LOXL2: variants seen among roughly 807,000 people sequenced by gnomAD.
LOXL2 encodes the protein lysyl oxidase like 2, also known as lysyl oxidase homolog 2.
LOXL2 carries 70 observed loss-of-function variants against 93.0 expected under a neutral mutation model. The ratio of observed to expected loss-of-function variants is 0.75; its 90% CI spans 0.62 to 0.92. The LOEUF is 0.92. Among genes scored for constraint, LOXL2 ranks in the 40% least tolerant of loss-of-function variants. The pLI is 0.00. For synonymous variants in LOXL2, 438 were observed against 413.2 expected (o/e 1.06, Z -0.73); for missense variants, 973 against 1,054.9 (o/e 0.92, Z 1.08).
intron 9 of LOXL2, among the ~76,000 whole-genome samples, chr8:23,314,029 A>C (rs1199833933): frequency 1.4e-5 from 2 of 144,572 alleles, no homozygotes; most frequent in African/African-American, 2.5e-5. Context: ...GCAGCCAAAA[A>C]ACACATGAAA....
intron 1 of LOXL2, among the ~76,000 whole-genome samples, chr8:23,376,407 T>G (rs56663210): frequency 0.088 from 13,354 of 152,076 alleles, 783 homozygotes; most frequent in African/African-American, 0.18. Flanking sequence ...TCTCTTTTTT[T>G]GTTGTGTCTC....
At chr8:23,349,964 A>C (rs1171009895) in intron 3 of LOXL2, among the ~76,000 whole-genome samples, 2 of 152,086 alleles carry the variant, frequency 1.3e-5, no homozygotes, top group Non-Finnish European at 1.5e-5. Context: ...TGCAAAATAA[A>C]GTTATGCAGT....
chr8:23,401,693 T>TTGGGACTCAACAC (rs1168733267), intron 1 of LOXL2, among the ~76,000 whole-genome samples: 6 of 152,182 alleles, frequency 3.9e-5, no homozygotes, highest in Non-Finnish European at 7.3e-5. Flanking sequence ...TCGCTGATGG[T>TTGGGACTCAACAC]CATGTCTATC....
chr8:23,334,838 A>G (rs12548217), intron 4 of LOXL2, among the ~76,000 whole-genome samples: 13,011 of 144,314 alleles, frequency 0.09, 1,056 homozygotes, highest in African/African-American at 0.19. Flanking sequence ...TTTTTTTGAG[A>G]TGGAGTCTCA....
chr8:23,383,881 C>T (rs1467939100), intron 1 of LOXL2, among the ~76,000 whole-genome samples: 6 of 152,004 alleles, frequency 3.9e-5, no homozygotes, highest in East Asian at 1.9e-4. Context: ...AGGATGGTCT[C>T]GATCTGCTGA....
intron 3 of LOXL2, among the ~76,000 whole-genome samples, chr8:23,355,016 T>C (rs1804168994): frequency 7.2e-6 from 1 of 139,512 alleles, no homozygotes; most frequent in Non-Finnish European, 1.5e-5. Flanking sequence ...TGGAGTGCAA[T>C]GGCACCATCT....
chr8:23,300,488 C>G (rs934506050), intron 12 of LOXL2, among the ~76,000 whole-genome samples: 1 of 152,216 alleles, frequency 6.6e-6, no homozygotes, highest in African/African-American at 2.4e-5. Flanking sequence ...CTTCACAGCA[C>G]CACTGATGTC....
In LOXL2 at chr8:23,297,824, G is replaced by C. The variant is rs2280936; in HGVS notation, c.*219C>G. The C allele has an allele frequency of 0.56, 290,723 of 520,270 alleles. 83,079 individuals carry two copies. Among genetic ancestry groups the C allele is most frequent in the East Asian group, 0.78 (24,589 of 31,372 alleles). 32.2% of individuals were successfully genotyped at this position (520,270 alleles called of 1,614,324 possible). A position where few individuals can be genotyped will look rare whatever the true frequency, so the allele number is the denominator to read the frequency against. On this transcript the variant is annotated 3_prime_UTR_variant, in exon 14 of 14. Coordinates refer to ENST00000389131, the MANE Select transcript of LOXL2 (RefSeq NM_002318.3). Reference sequence around the variant, plus strand: ...AGCTCTGTGGACAAACCCCACCCCCGCAAGGCCTTCTCAGGCCCCAAGGGT... The same window carrying C: ...AGCTCTGTGGACAAACCCCACCCCCCCAAGGCCTTCTCAGGCCCCAAGGGT...
intron 1 of LOXL2, among the ~76,000 whole-genome samples, chr8:23,379,265 G>T (rs1795478590): frequency 6.6e-6 from 1 of 152,208 alleles, no homozygotes; most frequent in Admixed American, 6.5e-5. Flanking sequence ...TTGCTGAACA[G>T]CAAATGTTCC....
intron 10 of LOXL2, among the ~76,000 whole-genome samples, chr8:23,308,807 A>T (rs926964621): frequency 6.6e-6 from 1 of 152,018 alleles, no homozygotes; most frequent in African/African-American, 2.4e-5. Flanking sequence ...GCTGGAAGGG[A>T]CAGGCGAGGT....
intron 3 of LOXL2, among the ~76,000 whole-genome samples, chr8:23,352,053 T>TC (rs33949828): frequency 1.8e-4 from 27 of 151,890 alleles, no homozygotes; most frequent in Non-Finnish European, 2.8e-4. Context: ...CCTCAAGTGA[T>TC]CCCCCCCACC....
At chr8:23,399,613 A>G (rs1449773923) in intron 1 of LOXL2, among the ~76,000 whole-genome samples, 1 of 152,236 alleles carries the variant, frequency 6.6e-6, no homozygotes, top group African/African-American at 2.4e-5. Context: ...GAAGGCCCTC[A>G]CCAGGTACAG....
chr8:23,319,090 T>C (rs565135866), intron 8 of LOXL2, among the ~76,000 whole-genome samples: 6 of 152,376 alleles, frequency 3.9e-5, no homozygotes, highest in African/African-American at 1.4e-4. Flanking sequence ...CTTCCCGTTA[T>C]GTAAGCTGCT....
chr8:23,322,702 T>C (rs947693301), intron 6 of LOXL2, among the ~76,000 whole-genome samples: 1 of 152,204 alleles, frequency 6.6e-6, no homozygotes, highest in African/African-American at 2.4e-5. Flanking sequence ...AGATGGCATG[T>C]ACAAATTGGA....
intron 1 of LOXL2, among the ~76,000 whole-genome samples, chr8:23,380,427 G>C (rs1202027221): frequency 7.0e-6 from 1 of 143,880 alleles, no homozygotes; most frequent in Non-Finnish European, 1.5e-5. Context: ...CTTAATCTGT[G>C]GATTTGTATA....
intron 7 of LOXL2, 73 bp downstream of exon 7, chr8:23,322,057 T>C: frequency 1.3e-6 from 2 of 1,528,354 alleles, no homozygotes; most frequent in Non-Finnish European, 1.8e-6. Flanking sequence ...CTTCCAGGGT[T>C]CACCCCAGAG....
intron 2 of LOXL2, among the ~76,000 whole-genome samples, chr8:23,361,869 A>AAAAAAC (rs1554481588): frequency 2.4e-5 from 3 of 123,202 alleles, no homozygotes; most frequent in Admixed American, 1.6e-4. Flanking sequence ...CAAAACAAAC[A>AAAAAAC]AAAAAAACAG....
chr8:23,304,881 G>A (rs1259846673), intron 10 of LOXL2, among the ~76,000 whole-genome samples: 2 of 152,218 alleles, frequency 1.3e-5, no homozygotes, highest in Non-Finnish European at 2.9e-5. Context: ...GGGGAAGACA[G>A]CAATGAACAG....
At chr8:23,363,248 CA>C (rs1804332229) in intron 2 of LOXL2, 1 of 152,216 alleles carries the variant, frequency 6.6e-6, no homozygotes, top group African/African-American at 2.4e-5. Context: ...GGTCGATAAG[CA>C]CCCCGGGGCC....
Sources: allele counts gnomAD v4.1 joint callset (sites outside exome capture counted in the v4.1 genomes callset), GRCh38; gene constraint gnomAD v4.1.1; transcripts MANE v1.5; gene names NCBI Gene and HGNC (gene_info 2026-07-23, HGNC 2026-07-21).